Variants in DNAH9 observed in about 807,000 individuals in gnomAD.
DNAH9 encodes DNAH9 variant protein.
Under a neutral mutation model 471.6 loss-of-function variants are expected in DNAH9, and 345 were observed. The observed-to-expected ratio is 0.73, with a 90% CI of 0.67 to 0.80. The LOEUF (loss-of-function observed/expected upper bound fraction) is 0.80. Ranked by LOEUF, DNAH9 falls within the 30% of genes least tolerant of loss-of-function variation. DNAH9 has a pLI of 0.00. For synonymous variants in DNAH9, 2,093 were observed against 2,123.6 expected (o/e 0.99, Z 0.40); for missense variants, 5,407 against 5,609.2 (o/e 0.96, Z 1.15).
chr17:11,883,858 C>A, intron 56 of DNAH9, 108 bp downstream of exon 56: 1 of 1,251,030 alleles, frequency 8.0e-7, no homozygotes, highest in African/African-American at 1.5e-5. Context: ...GTCAAAGTAA[C>A]ACATGGCTTT....
chr17:11,712,550 G>A (rs1330179422), intron 26 of DNAH9, among the ~76,000 whole-genome samples: 1 of 152,032 alleles, frequency 6.6e-6, no homozygotes, highest in Non-Finnish European at 1.5e-5. Context: ...AACATGTGAG[G>A]ATTCCCATTT....
chr17:11,894,301 G>A, intron 58 of DNAH9, 73 bp from the exon 59 acceptor site: 1 of 1,581,696 alleles, frequency 6.3e-7, no homozygotes, highest in Non-Finnish European at 8.6e-7. Flanking sequence ...ATTATACTGA[G>A]TGACAACCCC....
At chr17:11,652,020 T>C (rs2073517997) in intron 13 of DNAH9, among the ~76,000 whole-genome samples, 1 of 152,116 alleles carries the variant, frequency 6.6e-6, no homozygotes, top group Admixed American at 6.5e-5. Flanking sequence ...TTATAGTTGA[T>C]TCATGAAAGT....
chr17:11,822,368 G>A, intron 46 of DNAH9, 70 bp from the exon 47 acceptor site: 1 of 1,564,548 alleles, frequency 6.4e-7, no homozygotes, highest in Non-Finnish European at 8.8e-7. Flanking sequence ...AGAACCCAAG[G>A]CCATATCTGC....
intron 14 of DNAH9, 91 bp from the exon 15 acceptor site, chr17:11,664,742 C>T (rs533582661): frequency 1.8e-4 from 189 of 1,063,556 alleles, no homozygotes; most frequent in Non-Finnish European, 2.5e-4. Context: ...GAGTTTTTTT[C>T]TCCATATGTT....
chr17:11,869,705 C>T (rs1208789516), intron 51 of DNAH9, among the ~76,000 whole-genome samples: 1 of 152,190 alleles, frequency 6.6e-6, no homozygotes, highest in East Asian at 1.9e-4. Flanking sequence ...CACAGACACA[C>T]ATATACACAC....
At chr17:11,867,385 A>G (rs890719390) in intron 50 of DNAH9, among the ~76,000 whole-genome samples, 2 of 152,010 alleles carry the variant, frequency 1.3e-5, no homozygotes, top group South Asian at 2.1e-4. Context: ...TTTTCAGGAA[A>G]TTTCCTCAAA....
At chr17:11,614,823 CT>C (rs1240076521) in intron 4 of DNAH9, among the ~76,000 whole-genome samples, 1 of 152,182 alleles carries the variant, frequency 6.6e-6, no homozygotes, top group Non-Finnish European at 1.5e-5. Context: ...TGATGAGGGC[CT>C]TAATCCCATT....
intron 53 of DNAH9, 38 bp from the exon 54 acceptor site, chr17:11,880,038 CCA>C: frequency 6.2e-7 from 1 of 1,610,458 alleles, no homozygotes; most frequent in Non-Finnish European, 8.5e-7. Flanking sequence ...CCATAGCTTG[CCA>C]CAGTCTCATA....
chr17:11,829,576 A>T (rs1030114901), intron 48 of DNAH9, among the ~76,000 whole-genome samples: 3 of 152,146 alleles, frequency 2.0e-5, no homozygotes, highest in Non-Finnish European at 2.9e-5. Context: ...GGTTCAAACG[A>T]TTCTCATGCC....
At chr17:11,735,773 A>G (rs553652973) in intron 28 of DNAH9, among the ~76,000 whole-genome samples, 35 of 152,286 alleles carry the variant, frequency 2.3e-4, no homozygotes, top group Non-Finnish European at 3.5e-4. Flanking sequence ...TGTGGAAAGT[A>G]TGCCTCTAAA....
intron 9 of DNAH9, 92 bp from the exon 10 acceptor site, chr17:11,640,178 C>A: frequency 1.4e-6 from 1 of 729,698 alleles, no homozygotes. Flanking sequence ...GATAATGAGG[C>A]AAAAGTGGAG....
In DNAH9 at chr17:11,626,918, C is replaced by T. The variant is rs1183846750; in HGVS notation, c.1351-2499C>T. On this transcript the variant is annotated intron_variant, in intron 6 of 68. Coordinates refer to ENST00000262442, the MANE Select transcript of DNAH9 (RefSeq NM_001372.4). The surrounding 1 kb of genome is among the most constrained non-coding windows in gnomAD (Gnocchi z 4.3). ...TTCACTCAACAAATGTGTTCAGGGT[C>T]AGGGACTCTTCCAGGCACTGGAAAT... Among the ~76,000 whole-genome samples, 1 of 152,124 alleles carries T rather than the reference C, an allele frequency of 6.6e-6. No individual in the cohort carries two copies. Among genetic ancestry groups the T allele is most frequent in the South Asian group, 2.1e-4 (1 of 4,818 alleles).
intron 19 of DNAH9, among the ~76,000 whole-genome samples, 187 bp from the exon 20 acceptor site, chr17:11,689,379 T>TC (rs113663359): frequency 7.0e-6 from 1 of 142,082 alleles, no homozygotes; most frequent in African/African-American, 2.6e-5. Context: ...TTTTTTTTTT[T>TC]CCCAAAAGAA....
chr17:11,787,933 A>C (rs1195052745), intron 41 of DNAH9, among the ~76,000 whole-genome samples: 1 of 152,198 alleles, frequency 6.6e-6, no homozygotes, highest in Non-Finnish European at 1.5e-5. Flanking sequence ...CTGTAAGTCC[A>C]ATGAAACCCC....
chr17:11,821,329 T>C (rs1218269760), intron 45 of DNAH9, among the ~76,000 whole-genome samples: 4 of 151,798 alleles, frequency 2.6e-5, no homozygotes, highest in Admixed American at 1.3e-4. Context: ...CCATAATTTT[T>C]TCAGATCCCA....
At chr17:11,632,744 T>TC in intron 8 of DNAH9, 41 bp downstream of exon 8, 1 of 945,458 alleles carries the variant, frequency 1.1e-6, no homozygotes, top group Non-Finnish European at 1.7e-6. Context: ...TCCTGGATAC[T>TC]CCCCCGGCCC....
chr17:11,850,738 AG>A (rs778911557), intron 49 of DNAH9, among the ~76,000 whole-genome samples: 8 of 151,802 alleles, frequency 5.3e-5, no homozygotes, highest in Non-Finnish European at 1.0e-4. Context: ...AGTTGACTTG[AG>A]GGCCCATGCT....
chr17:11,747,364 T>A (rs1201977436), intron 31 of DNAH9, among the ~76,000 whole-genome samples, 192 bp from the exon 32 acceptor site: 1 of 152,208 alleles, frequency 6.6e-6, no homozygotes, highest in Non-Finnish European at 1.5e-5. Flanking sequence ...ATTATATAAC[T>A]GAATGATGAA....
Sources: gnomAD v4.1 joint callset for allele counts (sites outside exome capture counted in the v4.1 genomes callset) on GRCh38, gnomAD v4.1.1 for gene constraint, Gnocchi (gnomAD v3.1) non-coding constraint, MANE v1.5 for transcripts, NCBI Gene and HGNC (gene_info 2026-07-23, HGNC 2026-07-21) for gene names.